Variants in GXYLT2 observed in about 807,000 individuals in gnomAD.
GXYLT2 encodes the protein glycosyltransferase 8 domain containing 4.
In GXYLT2, 53 loss-of-function variants were observed where a neutral mutation model predicts 45.8. That is an observed-to-expected ratio of 1.16 (90% CI 0.93 to 1.46). The LOEUF (loss-of-function observed/expected upper bound fraction) is 1.46. Ranked by LOEUF, GXYLT2 falls within the 40% of genes most tolerant of loss-of-function variation. The pLI is 0.00. For synonymous variants in GXYLT2, 219 were observed against 214.2 expected (o/e 1.02, Z -0.19); for missense variants, 551 against 544.4 (o/e 1.01, Z -0.12).
At chr3:72,926,224 C>A (rs1435197530) in intron 3 of GXYLT2, among the ~76,000 whole-genome samples, 1 of 152,198 alleles carries the variant, frequency 6.6e-6, no homozygotes, top group African/African-American at 2.4e-5. Context: ...ATTTTACTAT[C>A]TGAATAATAT....
chr3:72,907,226 G>A (rs1709529185), intron 1 of GXYLT2, among the ~76,000 whole-genome samples: 1 of 152,236 alleles, frequency 6.6e-6, no homozygotes, highest in Admixed American at 6.5e-5. Flanking sequence ...GCTGAGCCAT[G>A]AGGCTGTGCT....
intron 6 of GXYLT2, among the ~76,000 whole-genome samples, chr3:72,973,850 T>C (rs1437604287): frequency 6.6e-6 from 1 of 152,186 alleles, no homozygotes; most frequent in Non-Finnish European, 1.5e-5. Context: ...TTAAATTTCA[T>C]GATTAAAGAA....
At chr3:72,934,975 T>C (rs1710149593) in intron 3 of GXYLT2, among the ~76,000 whole-genome samples, 2 of 152,160 alleles carry the variant, frequency 1.3e-5, no homozygotes, top group African/African-American at 4.8e-5. Flanking sequence ...GCTGACAGGC[T>C]TACTCCACCT....
At chr3:72,960,845 G>A (rs1710755166) in intron 5 of GXYLT2, among the ~76,000 whole-genome samples, 1 of 152,200 alleles carries the variant, frequency 6.6e-6, no homozygotes, top group Non-Finnish European at 1.5e-5. Context: ...GAGAGAGGGA[G>A]ACAGTATTGG....
chr3:72,936,931 G>C (rs560413850), intron 3 of GXYLT2, among the ~76,000 whole-genome samples: 2 of 152,032 alleles, frequency 1.3e-5, no homozygotes, highest in African/African-American at 4.8e-5. Context: ...TAATAGATAA[G>C]GTATATTATT....
intron 1 of GXYLT2, chr3:72,908,068 C>G: frequency 3.9e-6 from 1 of 258,182 alleles, no homozygotes; most frequent in South Asian, 1.0e-4. Flanking sequence ...ATACTATTTC[C>G]AAACATGGGC....
chr3:72,953,701 A>C (rs1241463859), intron 3 of GXYLT2, among the ~76,000 whole-genome samples: 1 of 152,186 alleles, frequency 6.6e-6, no homozygotes, highest in African/African-American at 2.4e-5. Context: ...AATATTTACT[A>C]TCTGGCCCTT....
At chr3:72,945,632 G>A (rs970868405) in intron 3 of GXYLT2, among the ~76,000 whole-genome samples, 6 of 152,204 alleles carry the variant, frequency 3.9e-5, no homozygotes, top group African/African-American at 1.4e-4. Flanking sequence ...GAAGGGATGA[G>A]TCAGACCTGA....
chr3:72,896,460 C>T (rs547968196), intron 1 of GXYLT2, among the ~76,000 whole-genome samples: 3 of 152,106 alleles, frequency 2.0e-5, no homozygotes, highest in Admixed American at 6.5e-5. Context: ...GCAGCCTTTT[C>T]TTGTGGGGGT....
intron 5 of GXYLT2, among the ~76,000 whole-genome samples, chr3:72,960,569 T>C (rs1710748982): frequency 6.6e-6 from 1 of 152,214 alleles, no homozygotes; most frequent in African/African-American, 2.4e-5. Context: ...TTCTGCACAG[T>C]ATCAAGTAAA....
intron 3 of GXYLT2, among the ~76,000 whole-genome samples, chr3:72,954,001 C>A (rs910448934): frequency 6.6e-6 from 1 of 152,100 alleles, no homozygotes; most frequent in East Asian, 1.9e-4. Flanking sequence ...TGAGGTGGGA[C>A]GACCACTTGA....
Position 72,919,904 on chromosome 3 carries a change from CAGAA to C in GXYLT2, c.469-2295_469-2292del, listed in dbSNP as rs369052569. Among the ~76,000 whole-genome samples the C allele has an allele frequency of 1.8e-4, 27 of 152,164 alleles. 1 individual carries two copies. Among genetic ancestry groups the C allele is most frequent in the African/African-American group, 6.5e-4 (27 of 41,520 alleles). The stretch of plus-strand genomic sequence containing the variant: ...CAAAATCCATAGAAAGAGTGTACAA[CAGAA>C]AGAATTAACACTAATGTAAACTGTG... On this transcript the variant is annotated intron_variant, in intron 2 of 6. Transcript: ENST00000389617.
intron 1 of GXYLT2, among the ~76,000 whole-genome samples, chr3:72,892,462 C>T (rs928557573): frequency 1.3e-5 from 2 of 152,162 alleles, no homozygotes; most frequent in Non-Finnish European, 2.9e-5. Flanking sequence ...CATAGTCATT[C>T]AGCAAACGTG....
At chr3:72,923,614 T>G (rs1047685674) in intron 3 of GXYLT2, among the ~76,000 whole-genome samples, 1 of 152,158 alleles carries the variant, frequency 6.6e-6, no homozygotes, top group African/African-American at 2.4e-5. Context: ...GGGCCCTGGC[T>G]CAGTGATGAT....
At chr3:72,964,791 A>C (rs1304226835) in intron 5 of GXYLT2, among the ~76,000 whole-genome samples, 2 of 152,238 alleles carry the variant, frequency 1.3e-5, no homozygotes, top group Admixed American at 1.3e-4. Context: ...GTGTGTTTAC[A>C]AAAACAGACT....
intron 4 of GXYLT2, 80 bp downstream of exon 4, chr3:72,955,429 T>A (rs17742733): frequency 0.077 from 111,080 of 1,438,498 alleles, 4,498 homozygotes; most frequent in Admixed American, 0.098. Context: ...AGTGTCAATA[T>A]GCTGATTTTG....
intron 1 of GXYLT2, among the ~76,000 whole-genome samples, chr3:72,905,064 CAA>C (rs1177216917): frequency 0.071 from 2,576 of 36,040 alleles, 33 homozygotes; most frequent in African/African-American, 0.17. Context: ...GATTCTGTCT[CAA>C]AAAAAAAAAA....
At chr3:72,908,231 G>A in intron 1 of GXYLT2, 136 bp from the exon 2 acceptor site, 1 of 631,774 alleles carries the variant, frequency 1.6e-6, no homozygotes, top group African/African-American at 1.8e-5. Flanking sequence ...TTGTCAAAAT[G>A]CTTATCACTT....
intron 2 of GXYLT2, among the ~76,000 whole-genome samples, chr3:72,915,355 GC>G (rs1295197604): frequency 1.6e-3 from 38 of 23,106 alleles, no homozygotes; most frequent in African/African-American, 3.2e-3. Flanking sequence ...TTTTTTTTTT[GC>G]GGGGGGGGGG....
Sources: allele counts gnomAD v4.1 joint callset (sites outside exome capture counted in the v4.1 genomes callset), GRCh38; gene constraint gnomAD v4.1.1; transcripts MANE v1.5; gene names NCBI Gene and HGNC (gene_info 2026-07-23, HGNC 2026-07-21).